The following TRAPPC2L variants were observed in gnomAD, a reference collection of about 807,000 sequenced individuals.
TRAPPC2L encodes trafficking protein particle complex subunit 2-like protein.
In TRAPPC2L, 17 loss-of-function variants were observed where a neutral mutation model predicts 13.2. The observed-to-expected ratio is 1.29, with a 90% confidence interval of 0.88 to 1.93. The LOEUF (loss-of-function observed/expected upper bound fraction) is 1.93. Ranked by LOEUF, TRAPPC2L falls within the 30% of genes most tolerant of loss-of-function variation. The pLI, the probability that TRAPPC2L is intolerant of heterozygous loss-of-function variation, is 0.00. For synonymous variants in TRAPPC2L, 150 were observed against 98.1 expected, an observed-to-expected ratio of 1.53 and a Z score of -3.12; for missense variants, 359 against 252.1, an observed-to-expected ratio of 1.42 and a Z score of -2.87.
At chr16:88,858,864 G>A (rs1301630361) in intron 2 of TRAPPC2L, 73 bp downstream of exon 2, 3 of 1,496,130 alleles carry the variant, frequency 2.0e-6, no homozygotes, top group Non-Finnish European at 2.7e-6. Context: ...CAGATAACTT[G>A]AAACCTTTTA....
chr16:88,856,597 C>CCCTCCT (rs960651907), upstream of TRAPPC2L: 1 of 553,002 alleles, frequency 1.8e-6, no homozygotes, highest in Non-Finnish European at 3.4e-6. Context: ...CGTCCCCTCC[C>CCCTCCT]CCTCCTCCTC....
exon 4 of TRAPPC2L, chr16:88,862,663 C>A (rs1968466511): frequency 7.9e-6 from 1 of 127,226 alleles, no homozygotes; most frequent in Admixed American, 7.5e-5. Context: ...AATAAATGCA[C>A]CCCTCTCTGG....
At position 88,859,355 on chromosome 16, in the gene TRAPPC2L, G is replaced by C. The variant is rs563853558; in HGVS notation, c.207-308G>C. On this transcript the variant is annotated intron_variant, in intron 2 of 3. Transcript: ENST00000565504. ...CCTCTGGTTTTGCAGTTAACTTTCC[G>C]GGCCAGGCATTGATTCATGAAGAGG... 3.5e-5 allele frequency: 24 copies of C among 683,996 alleles called. 2 individuals are homozygous for C. The highest frequency in any genetic ancestry group is 3.3e-4 in the South Asian group (22 of 66,598). 42.4% of individuals were successfully genotyped at this position (683,996 alleles called of 1,614,324 possible). A position where few individuals can be genotyped will look rare whatever the true frequency, so the allele number is the denominator to read the frequency against.
At chr16:88,860,063 G>C (rs771588693) in exon 4 of TRAPPC2L, 1 of 1,212,996 alleles carries the variant, frequency 8.2e-7, no homozygotes, top group Non-Finnish European at 1.2e-6. Flanking sequence ...TGGAAAATAA[G>C]GGAGGAAAGA....
exon 4 of TRAPPC2L, chr16:88,861,647 T>A (rs1183204824): frequency 6.0e-6 from 3 of 499,596 alleles, no homozygotes; most frequent in Non-Finnish European, 1.2e-5. Flanking sequence ...CGTGGCTGAC[T>A]ACCACCCAGG....
At chr16:88,861,181 G>C in exon 4 of TRAPPC2L, 1 of 575,028 alleles carries the variant, frequency 1.7e-6, no homozygotes, top group Non-Finnish European at 3.1e-6. Context: ...GACTTTTCTG[G>C]GGTGTGGGCA....
At position 88,860,058 on chromosome 16, in the gene TRAPPC2L, A is replaced by G. The variant is rs144257072; in HGVS notation, c.460A>G (p.Asn154Asp). ...GTTGCCAAAATGCAACCATTTGGAA[A>G]ATAAGGGAGGAAAGATCTTTTTAAG... The change falls in exon 4 of 4, where the codon AAT becomes GAT. Residue 154 changes from asparagine to aspartate, a missense_variant. Transcript: ENST00000565504. 3,629 of 1,240,544 alleles carry G rather than the reference A, an allele frequency of 2.9e-3. 8 individuals carry two copies. The highest frequency in any genetic ancestry group is 3.8e-3 in the Non-Finnish European group (3,287 of 866,340). 76.8% of individuals were successfully genotyped at this position (1,240,544 alleles called of 1,614,324 possible). A position where few individuals can be genotyped will look rare whatever the true frequency, so the allele number is the denominator to read the frequency against.
At chr16:88,857,373 C>T (rs1032889457) in intron 1 of TRAPPC2L, 190 bp downstream of exon 1, 3 of 538,464 alleles carry the variant, frequency 5.6e-6, no homozygotes, top group African/African-American at 2.0e-5. Context: ...ACCCCAGTTC[C>T]GCGCTCGCCC....
At chr16:88,859,692 A>G (rs888123539) in exon 3 of TRAPPC2L, 2 of 1,614,028 alleles carry the variant, frequency 1.2e-6, no homozygotes, top group Non-Finnish European at 1.7e-6. Context: ...TCCAAGGTGA[A>G]GTTTGTCATG....
chr16:88,858,355 G>A (rs1279750762), intron 1 of TRAPPC2L, among the ~76,000 whole-genome samples: 2 of 152,156 alleles, frequency 1.3e-5, no homozygotes, highest in African/African-American at 2.4e-5. Flanking sequence ...GGCAGGCTGT[G>A]CTCAGGCCCA....
chr16:88,860,013 G>C (rs757382228), exon 4 of TRAPPC2L: 1 of 1,480,308 alleles, frequency 6.8e-7, no homozygotes, highest in Non-Finnish European at 9.1e-7. Context: ...TCTTTCTGTA[G>C]GACATGCCTT....
At chr16:88,860,065 G>A (rs777389843) in exon 4 of TRAPPC2L, 2 of 1,207,926 alleles carry the variant, frequency 1.7e-6, no homozygotes, top group Non-Finnish European at 2.4e-6. Context: ...GAAAATAAGG[G>A]AGGAAAGATC....
At chr16:88,861,035 T>C in exon 4 of TRAPPC2L, 1 of 1,456,204 alleles carries the variant, frequency 6.9e-7, no homozygotes, top group South Asian at 1.2e-5. Context: ...TCTGGTTGCC[T>C]CTTCCTGAAT....
At chr16:88,860,055 G>A (rs1472646528) in exon 4 of TRAPPC2L, 1 of 1,246,454 alleles carries the variant, frequency 8.0e-7, no homozygotes, top group Non-Finnish European at 1.1e-6. Context: ...CAACCATTTG[G>A]AAAATAAGGG....
chr16:88,857,026 C>T, upstream of TRAPPC2L: 3 of 1,408,594 alleles, frequency 2.1e-6, no homozygotes, highest in Non-Finnish European at 2.8e-6. Context: ...GAGGCGGGGC[C>T]TGGACTGCCT....
chr16:88,859,176 C>A (rs899636605), intron 2 of TRAPPC2L: 3 of 452,602 alleles, frequency 6.6e-6, no homozygotes, highest in African/African-American at 5.9e-5. Flanking sequence ...ACTAGACACT[C>A]GTCTAGTCCC....
upstream of TRAPPC2L, chr16:88,856,985 C>T (rs1408825986): frequency 1.0e-5 from 14 of 1,389,932 alleles, no homozygotes; most frequent in South Asian, 1.6e-5. Flanking sequence ...ACGTGACTCG[C>T]GGGGCGGGGC....
chr16:88,858,563 C>A, intron 1 of TRAPPC2L, 56 bp from the exon 2 acceptor site: 1 of 1,579,272 alleles, frequency 6.3e-7, no homozygotes, highest in Non-Finnish European at 8.6e-7. Flanking sequence ...TAGTTCAGAG[C>A]TGGTGTGCGC....
upstream of TRAPPC2L, chr16:88,856,626 C>G (rs1257117763): frequency 9.4e-6 from 5 of 531,760 alleles, no homozygotes; most frequent in Admixed American, 5.1e-5. Context: ...GGGCCTCCCC[C>G]CTTCCCCAAG....
Sources: allele counts gnomAD v4.1 joint callset (sites outside exome capture counted in the v4.1 genomes callset), GRCh38; gene constraint gnomAD v4.1.1; transcripts MANE v1.5; gene names NCBI Gene and HGNC (gene_info 2026-07-23, HGNC 2026-07-21).